The following DAAM2 variants were observed in gnomAD, a reference collection of about 807,000 sequenced individuals.
DAAM2 encodes disheveled-associated activator of morphogenesis 2.
DAAM2 carries 39 observed loss-of-function variants against 120.7 expected under a neutral mutation model. That is an observed-to-expected ratio of 0.32 (90% confidence interval 0.25 to 0.42). The LOEUF is 0.42. DAAM2 is among the 10% of genes least tolerant of loss of function. DAAM2 has a pLI of 1.00. For missense variants in DAAM2, 1,283 were observed against 1,401.7 expected, an observed-to-expected ratio of 0.92 and a Z score of 1.35; for synonymous variants, 488 against 524.9, an observed-to-expected ratio of 0.93 and a Z score of 0.96.
chr6:39,854,223 A>G (rs1455666387), intron 1 of DAAM2, among the ~76,000 whole-genome samples: 2 of 152,148 alleles, frequency 1.3e-5, no homozygotes, highest in Non-Finnish European at 2.9e-5. Context: ...TTCCATCAGT[A>G]TTTTTTGACT....
At chr6:39,891,798 A>T (rs1263734252) in intron 19 of DAAM2, 76 bp downstream of exon 19, 2 of 1,112,172 alleles carry the variant, frequency 1.8e-6, no homozygotes, top group Non-Finnish European at 2.6e-6. Flanking sequence ...GCCAGTGAAT[A>T]GGGGCAGAGG....
intron 2 of DAAM2, among the ~76,000 whole-genome samples, chr6:39,857,074 C>T (rs749144406): frequency 4.6e-5 from 7 of 152,326 alleles, no homozygotes; most frequent in East Asian, 1.9e-4. Context: ...CCGCAATGCC[C>T]GCCCAGACCA....
chr6:39,805,700 A>C (rs1761990744), intron 1 of DAAM2, among the ~76,000 whole-genome samples: 2 of 151,754 alleles, frequency 1.3e-5, no homozygotes, highest in African/African-American at 4.8e-5. Context: ...GACTACAGGC[A>C]CCCACCACCA....
chr6:39,900,375 C>T (rs1766407421), intron 23 of DAAM2, among the ~76,000 whole-genome samples, 167 bp downstream of exon 23: 1 of 152,198 alleles, frequency 6.6e-6, no homozygotes, highest in Admixed American at 6.5e-5. Flanking sequence ...TAACCACATA[C>T]CGCAAAGATC....
chr6:39,814,108 C>T (rs536200148), intron 1 of DAAM2, among the ~76,000 whole-genome samples: 10 of 152,222 alleles, frequency 6.6e-5, no homozygotes, highest in Middle Eastern at 3.4e-3. Flanking sequence ...TGAGGGCCAA[C>T]ACAAATTCAT....
chr6:39,864,142 C>T (rs1158097889), intron 3 of DAAM2, among the ~76,000 whole-genome samples: 1 of 151,974 alleles, frequency 6.6e-6, no homozygotes, highest in Non-Finnish European at 1.5e-5. Flanking sequence ...GCTGAGCAAA[C>T]AGAACAAGAG....
At chr6:39,813,721 T>G (rs1762231213) in intron 1 of DAAM2, among the ~76,000 whole-genome samples, 1 of 152,210 alleles carries the variant, frequency 6.6e-6, no homozygotes, top group Non-Finnish European at 1.5e-5. Context: ...TTCCCACAGC[T>G]TCCCACCTGG....
intron 1 of DAAM2, among the ~76,000 whole-genome samples, chr6:39,815,228 G>A (rs1762273336): frequency 1.3e-5 from 2 of 152,210 alleles, no homozygotes; most frequent in Admixed American, 6.5e-5. Context: ...AAAATAAGTG[G>A]TGGTGGCTTA....
At position 39,901,695 on chromosome 6, in the gene DAAM2, C is replaced by T. The variant is rs982667627; in HGVS notation, c.2983-118C>T. 18 of 1,066,688 alleles carry T rather than the reference C, an allele frequency of 1.7e-5. No homozygotes were observed. The highest frequency in any genetic ancestry group is 3.1e-4 in the Middle Eastern group (1 of 3,214). The allele number at this position is 1,066,688 out of a possible 1,614,324, so 66.1% of individuals were successfully genotyped here. ...GTCCTAGGCAGGAAGAAAGTGGGGC[C>T]AACAGATACAGGCAGGCAGCATGAC... On this transcript the variant is annotated intron_variant, in intron 24 of 24. Transcript: ENST00000274867. The surrounding 1 kb of genome is among the most constrained non-coding windows in gnomAD (Gnocchi z 4.5).
At chr6:39,805,166 T>C (rs1445090467) in intron 1 of DAAM2, among the ~76,000 whole-genome samples, 2 of 152,328 alleles carry the variant, frequency 1.3e-5, no homozygotes, top group Non-Finnish European at 2.9e-5. Context: ...ATCTAAGGGC[T>C]TGTGTGCTTC....
rs569816852 is a variant in DAAM2 at position 39,901,203 on chromosome 6, G to A, written c.2812-99G>A. On this transcript the variant is annotated intron_variant, in intron 23 of 24. Transcript: ENST00000274867. The surrounding 1 kb of genome is among the most constrained non-coding windows in gnomAD (Gnocchi z 4.5). ...CCCTGTGCCAACAGTCCCCAGCCTT[G>A]CGCTGGGCTCTGCTCTGGCTAGAAC... 3.6e-6 allele frequency: 4 copies of A among 1,098,656 alleles called. No homozygotes were observed. The highest frequency in any genetic ancestry group is 4.4e-4 in the Middle Eastern group (2 of 4,526). 68.1% of individuals were successfully genotyped at this position (1,098,656 alleles called of 1,614,324 possible).
At chr6:39,834,483 C>G (rs1189723543) in intron 1 of DAAM2, among the ~76,000 whole-genome samples, 4 of 152,184 alleles carry the variant, frequency 2.6e-5, no homozygotes, top group Admixed American at 2.6e-4. Context: ...AGCCCTGACT[C>G]TCAGTGCTCA....
intron 1 of DAAM2, among the ~76,000 whole-genome samples, chr6:39,816,930 A>G (rs896442055): frequency 1.3e-5 from 2 of 152,220 alleles, no homozygotes; most frequent in Admixed American, 1.3e-4. Flanking sequence ...AATACTCATC[A>G]TCACATTTCT....
At chr6:39,835,574 T>A (rs1431431972) in intron 1 of DAAM2, among the ~76,000 whole-genome samples, 3 of 152,208 alleles carry the variant, frequency 2.0e-5, no homozygotes, top group African/African-American at 7.2e-5. Flanking sequence ...GAGTTGGTGC[T>A]CAGAGAACAT....
chr6:39,832,541 A>G (rs1431948978), intron 1 of DAAM2, among the ~76,000 whole-genome samples: 1 of 152,154 alleles, frequency 6.6e-6, no homozygotes, highest in Non-Finnish European at 1.5e-5. Context: ...TGATTCTTAT[A>G]ATGGATAATT....
At chr6:39,801,595 A>C (rs1761865010) in intron 1 of DAAM2, among the ~76,000 whole-genome samples, 2 of 152,196 alleles carry the variant, frequency 1.3e-5, no homozygotes, top group Admixed American at 6.5e-5. Flanking sequence ...CTGTCTGCCA[A>C]ATCTGATTCC....
At chr6:39,817,330 G>A (rs917797856) in intron 1 of DAAM2, among the ~76,000 whole-genome samples, 26 of 152,148 alleles carry the variant, frequency 1.7e-4, no homozygotes, top group African/African-American at 2.7e-4. Context: ...AAGATTATGC[G>A]TAATAACACA....
chr6:39,897,013 C>T (rs1320027339), intron 20 of DAAM2, 33 bp downstream of exon 20: 2 of 1,587,398 alleles, frequency 1.3e-6, no homozygotes, highest in Middle Eastern at 1.7e-4. Context: ...ACTTCCTTGG[C>T]CTCTATCTCA....
chr6:39,817,848 A>C (rs1000898308), intron 1 of DAAM2, among the ~76,000 whole-genome samples: 2 of 152,080 alleles, frequency 1.3e-5, no homozygotes, highest in South Asian at 4.1e-4. Context: ...CTTTACTCAG[A>C]GTCTACTGAT....
Sources: gnomAD v4.1 joint callset for allele counts (sites outside exome capture counted in the v4.1 genomes callset) on GRCh38, gnomAD v4.1.1 for gene constraint, Gnocchi (gnomAD v3.1) non-coding constraint, MANE v1.5 for transcripts, NCBI Gene and HGNC (gene_info 2026-07-23, HGNC 2026-07-21) for gene names.